Variants in PRUNE2 observed in about 807,000 individuals in gnomAD.
PRUNE2 encodes the protein prune homolog 2 with BCH domain.
A neutral mutation model predicts 252.0 loss-of-function variants in PRUNE2; 164 were observed. That is an observed-to-expected ratio of 0.65 (90% CI 0.57 to 0.74). The LOEUF is 0.74. Among genes scored for constraint, PRUNE2 ranks in the 30% least tolerant of loss-of-function variants. The probability of loss-of-function intolerance (pLI) is 0.00; values close to 1 mark genes in which losing one functional copy is unlikely to be tolerated. For synonymous variants in PRUNE2, 1,292 were observed against 1,350.2 expected (o/e 0.96, Z 0.94); for missense variants, 3,495 against 3,711.0 (o/e 0.94, Z 1.51).
intron 6 of PRUNE2, among the ~76,000 whole-genome samples, chr9:76,783,239 C>A (rs1248280562): frequency 6.6e-6 from 1 of 152,208 alleles, no homozygotes; most frequent in Admixed American, 6.5e-5. Context: ...CATGTTCCAG[C>A]AATTCTCCTG....
intron 6 of PRUNE2, chr9:76,786,310 A>G (rs1341147525): frequency 6.6e-6 from 1 of 152,214 alleles, no homozygotes; most frequent in Non-Finnish European, 1.5e-5. Flanking sequence ...TGATATCAAC[A>G]TTAGGGATTC....
At chr9:76,792,449 G>A (rs2055648025) in intron 6 of PRUNE2, among the ~76,000 whole-genome samples, 1 of 152,156 alleles carries the variant, frequency 6.6e-6, no homozygotes, top group African/African-American at 2.4e-5. Context: ...ACTGAGGCAG[G>A]TCAGGACTAA....
intron 8 of PRUNE2, 85 bp downstream of exon 8, chr9:76,704,676 G>T: frequency 1.1e-6 from 1 of 946,694 alleles, no homozygotes; most frequent in Non-Finnish European, 1.6e-6. Flanking sequence ...TACCCTCATT[G>T]GTAGGAAGAG....
chr9:76,897,388 CTCTTTTTT>C (rs2133642365), intron 1 of PRUNE2, among the ~76,000 whole-genome samples: 2 of 98,110 alleles, frequency 2.0e-5, no homozygotes, highest in South Asian at 4.4e-4. Flanking sequence ...TTAGGCAAAC[CTCTTTTTT>C]TTTTTTTTTT....
chr9:76,645,523 C>G (rs1006326824), intron 11 of PRUNE2, among the ~76,000 whole-genome samples: 8 of 151,732 alleles, frequency 5.3e-5, no homozygotes, highest in Admixed American at 3.3e-4. Flanking sequence ...AAACAAACAA[C>G]TTTGTAGACC....
intron 1 of PRUNE2, chr9:76,868,844 G>T (rs1180265365): frequency 7.6e-6 from 1 of 131,840 alleles, no homozygotes; most frequent in African/African-American, 2.7e-5. Context: ...GGGTGGGGGG[G>T]GGGGCGGGGG....
chr9:76,655,291 C>A, intron 10 of PRUNE2, 132 bp downstream of exon 10: 1 of 736,016 alleles, frequency 1.4e-6, no homozygotes, highest in South Asian at 1.6e-5. Context: ...TCATATCACA[C>A]ATTTCTTTTT....
intron 18 of PRUNE2, among the ~76,000 whole-genome samples, chr9:76,618,220 T>C (rs1345898704): frequency 6.6e-6 from 1 of 152,210 alleles, no homozygotes; most frequent in South Asian, 2.1e-4. Flanking sequence ...ACTTTTTCAG[T>C]TGGGACTGTC....
At chr9:76,873,861 G>T (rs1260923425) in intron 1 of PRUNE2, among the ~76,000 whole-genome samples, 1 of 152,166 alleles carries the variant, frequency 6.6e-6, no homozygotes, top group Admixed American at 6.5e-5. Flanking sequence ...GTGAACTGGG[G>T]CCACCGCAAG....
rs533458154 is a variant in PRUNE2 at position 76,707,324 on chromosome 9, C to T, written c.4950G>A (p.Gly1650=). The change falls in exon 8 of 19, where the codon GGG becomes GGA. Residue 1650 remains glycine, a synonymous_variant. Coordinates refer to ENST00000376718, the MANE Select transcript of PRUNE2 (RefSeq NM_015225.3). ...PETGKYSEHS[G]THQESNLIAS... ...CAATTAGATTGCTTTCCTGATGTGT[C>T]CCTGAATGTTCAGAATATTTGCCTG... 160 of 1,613,878 alleles carry T rather than the reference C, an allele frequency of 9.9e-5. 2 individuals are homozygous for T. The South Asian group carries it at 1.7e-3, about 17-fold the overall frequency.
At chr9:76,886,660 G>A (rs995205207) in intron 1 of PRUNE2, among the ~76,000 whole-genome samples, 1 of 152,130 alleles carries the variant, frequency 6.6e-6, no homozygotes, top group African/African-American at 2.4e-5. Context: ...AGAACTTTAT[G>A]TAACATATTT....
intron 9 of PRUNE2, chr9:76,700,324 C>A (rs1380298895): frequency 6.6e-6 from 1 of 152,098 alleles, no homozygotes; most frequent in Non-Finnish European, 1.5e-5. Flanking sequence ...TCTTAATTTT[C>A]TTTTTTGCAG....
At chr9:76,823,006 T>C (rs1043844144) in intron 6 of PRUNE2, among the ~76,000 whole-genome samples, 2 of 152,318 alleles carry the variant, frequency 1.3e-5, no homozygotes, top group South Asian at 2.1e-4. Context: ...CTGTAAAATA[T>C]AGTTCCCATT....
At chr9:76,902,490 G>A (rs1413849813) in intron 1 of PRUNE2, among the ~76,000 whole-genome samples, 3 of 152,178 alleles carry the variant, frequency 2.0e-5, no homozygotes, top group South Asian at 2.1e-4. Context: ...ATATGGCTGG[G>A]TTCTCACATC....
chr9:76,670,618 G>C (rs1191801652), intron 9 of PRUNE2, among the ~76,000 whole-genome samples: 5 of 152,232 alleles, frequency 3.3e-5, no homozygotes, highest in Admixed American at 1.3e-4. Context: ...CAAACAAAAA[G>C]AAAGCAGTAA....
rs990470845 is a variant in PRUNE2, at chr9:76,752,653, C to T, written c.757-38932G>A. 9.9e-5 allele frequency among the ~76,000 whole-genome samples: 15 copies of T among 152,266 alleles called. No individual in the cohort carries two copies. The East Asian group carries it at 1.4e-3, about 14-fold the overall frequency. ...TCAGCACTTATAATACAGCAGGCAA[C>T]GCTCTGAGCATATCACAGGGATTAA... On this transcript the variant is annotated intron_variant, in intron 6 of 18. Transcript: ENST00000376718.
intron 4 of PRUNE2, among the ~76,000 whole-genome samples, chr9:76,830,961 G>C (rs912402171): frequency 1.8e-4 from 27 of 146,912 alleles, no homozygotes; most frequent in African/African-American, 6.5e-4. Context: ...ACGGAGTCCT[G>C]CTCTGTTGCC....
intron 6 of PRUNE2, among the ~76,000 whole-genome samples, chr9:76,771,458 C>T (rs1358555245): frequency 1.3e-5 from 2 of 152,138 alleles, no homozygotes; most frequent in Non-Finnish European, 2.9e-5. Flanking sequence ...AGCAGAGTCC[C>T]TGCTCAAGGA....
chr9:76,794,328 G>C (rs890847645), intron 6 of PRUNE2, among the ~76,000 whole-genome samples: 5 of 152,166 alleles, frequency 3.3e-5, no homozygotes, highest in African/African-American at 1.2e-4. Flanking sequence ...CAAAGAGCGC[G>C]GCCTCCGAGC....
Sources: allele counts gnomAD v4.1 joint callset (sites outside exome capture counted in the v4.1 genomes callset), GRCh38; gene constraint gnomAD v4.1.1; transcripts MANE v1.5; gene names NCBI Gene and HGNC (gene_info 2026-07-23, HGNC 2026-07-21).